The following THSD7A variants were observed in gnomAD, a reference collection of about 807,000 sequenced individuals.
THSD7A encodes the protein thrombospondin type-1 domain-containing protein 7A.
A neutral mutation model predicts 231.3 loss-of-function variants in THSD7A; 96 were observed. The observed-to-expected ratio is 0.41, with a 90% CI of 0.35 to 0.49. The LOEUF (loss-of-function observed/expected upper bound fraction) is 0.49, where lower values mean the gene tolerates loss of function less well. Ranked by LOEUF, THSD7A falls within the 20% of genes least tolerant of loss-of-function variation. The pLI, the probability that THSD7A is intolerant of heterozygous loss-of-function variation, is 0.05. For missense variants in THSD7A, 2,290 were observed against 2,070.2 expected (o/e 1.11, Z -2.06); for synonymous variants, 940 against 743.3 (o/e 1.26, Z -4.30).
chr7:11,623,543 T>C (rs528190257), intron 2 of THSD7A, among the ~76,000 whole-genome samples: 2 of 152,196 alleles, frequency 1.3e-5, no homozygotes, highest in South Asian at 4.1e-4. Context: ...AAGAAAAGAA[T>C]GCTATGCCAC....
rs539579249 is a variant in THSD7A, at chr7:11,475,619, T to C, written c.2018-1051A>G. Among the ~76,000 whole-genome samples the C allele has an allele frequency of 4.7e-5, 7 of 148,380 alleles. No homozygotes were observed. The East Asian group carries it at 1.2e-3, about 25-fold the overall frequency. On this transcript the variant is annotated intron_variant, in intron 7 of 27. Coordinates refer to ENST00000423059, the MANE Select transcript of THSD7A (RefSeq NM_015204.3). ...TAACATATATATAACATATATAACA[T>C]ATATATAACATATATATGCATACAT...
chr7:11,703,905 A>C (rs1338757634), intron 1 of THSD7A, among the ~76,000 whole-genome samples: 10 of 151,198 alleles, frequency 6.6e-5, no homozygotes, highest in Non-Finnish European at 1.5e-4. Flanking sequence ...GTGAAGAAGG[A>C]AAAAGAATTT....
chr7:11,711,697 T>A (rs1780971554), intron 1 of THSD7A, among the ~76,000 whole-genome samples: 1 of 151,162 alleles, frequency 6.6e-6, no homozygotes, highest in East Asian at 2.0e-4. Flanking sequence ...CAGTGAGAAC[T>A]GGCAGAAGTA....
chr7:11,390,695 C>A (rs1782946660), intron 23 of THSD7A, among the ~76,000 whole-genome samples: 1 of 152,164 alleles, frequency 6.6e-6, no homozygotes, highest in East Asian at 1.9e-4. Context: ...AATTTTCAGC[C>A]CTTTCGAGCT....
chr7:11,464,986 A>T (rs1453989711), intron 9 of THSD7A, among the ~76,000 whole-genome samples: 1 of 152,164 alleles, frequency 6.6e-6, no homozygotes, highest in Non-Finnish European at 1.5e-5. Context: ...CAAAAAATGA[A>T]AGTTTCATCA....
At chr7:11,535,004 T>G (rs1788856502) in intron 6 of THSD7A, among the ~76,000 whole-genome samples, 1 of 152,150 alleles carries the variant, frequency 6.6e-6, no homozygotes, top group South Asian at 2.1e-4. Flanking sequence ...GAAAATTGGT[T>G]GCTCTGTGTT....
At chr7:11,458,534 A>G (rs1785387173) in intron 11 of THSD7A, among the ~76,000 whole-genome samples, 1 of 152,122 alleles carries the variant, frequency 6.6e-6, no homozygotes, top group Admixed American at 6.6e-5. Flanking sequence ...CTGAAAATGG[A>G]TAAGATTGCT....
chr7:11,647,444 A>G (rs376518902), intron 1 of THSD7A, among the ~76,000 whole-genome samples: 5 of 152,154 alleles, frequency 3.3e-5, no homozygotes, highest in East Asian at 3.9e-4. Context: ...CATTTCTCCA[A>G]TCATGCAATC....
At chr7:11,635,237 T>C (rs1162675534) in intron 2 of THSD7A, among the ~76,000 whole-genome samples, 1 of 151,578 alleles carries the variant, frequency 6.6e-6, no homozygotes, top group East Asian at 1.9e-4. Context: ...AAATCTGATA[T>C]ACAATTCTTA....
At chr7:11,384,256 T>C (rs2115306969) in intron 23 of THSD7A, 1 of 151,940 alleles carries the variant, frequency 6.6e-6, no homozygotes, top group African/African-American at 2.4e-5. Context: ...GATCAAAAAG[T>C]TCTAGATTTG....
chr7:11,559,380 T>C (rs1053078519), intron 4 of THSD7A, among the ~76,000 whole-genome samples: 2 of 152,222 alleles, frequency 1.3e-5, no homozygotes, highest in African/African-American at 4.8e-5. Flanking sequence ...AGACCTAAAA[T>C]AGAAGACTAT....
intron 9 of THSD7A, among the ~76,000 whole-genome samples, chr7:11,462,975 C>T (rs567419139): frequency 7.9e-5 from 12 of 152,158 alleles, no homozygotes; most frequent in East Asian, 5.8e-4. Context: ...TACACTTTAA[C>T]GATGAATAGC....
intron 23 of THSD7A, among the ~76,000 whole-genome samples, chr7:11,391,070 G>A (rs560233598): frequency 2.0e-5 from 3 of 152,184 alleles, no homozygotes; most frequent in Non-Finnish European, 2.9e-5. Context: ...GGAGACGTGG[G>A]GTCGGGACCC....
In THSD7A at chr7:11,419,481, GA is replaced by G. The variant is rs377049144; in HGVS notation, c.3384-1879del. Among the ~76,000 whole-genome samples the G allele has an allele frequency of 8.5e-5, 13 of 152,222 alleles. No homozygotes were observed. The East Asian group carries it at 9.7e-4, about 11-fold the overall frequency. ...GTCTCCTCATGCCTCCCCAGAAAGA[GA>G]AGCCTATACAATCCACAGAACCATG... On this transcript the variant is annotated intron_variant, in intron 16 of 27. Transcript: ENST00000423059.
intron 23 of THSD7A, among the ~76,000 whole-genome samples, chr7:11,383,435 G>C (rs113326572): frequency 0.055 from 8,354 of 151,892 alleles, 731 homozygotes; most frequent in African/African-American, 0.18. Context: ...AAATGGCCTG[G>C]TGCTTCTTTA....
intron 1 of THSD7A, among the ~76,000 whole-genome samples, chr7:11,752,920 C>T (rs1182687417): frequency 2.9e-5 from 3 of 103,944 alleles, no homozygotes; most frequent in African/African-American, 7.8e-5. Flanking sequence ...GAGTGAGAGA[C>T]CCTGTCTCAG....
At chr7:11,640,199 C>T (rs750104538) in intron 1 of THSD7A, among the ~76,000 whole-genome samples, 10 of 152,014 alleles carry the variant, frequency 6.6e-5, no homozygotes, top group Non-Finnish European at 1.3e-4. Context: ...GAGGACAGGC[C>T]CTTGTCTGCC....
At chr7:11,609,531 C>A (rs950259052) in intron 2 of THSD7A, among the ~76,000 whole-genome samples, 1 of 152,108 alleles carries the variant, frequency 6.6e-6, no homozygotes, top group African/African-American at 2.4e-5. Context: ...TCAGATAGAA[C>A]TGGGGGCAAT....
intron 1 of THSD7A, among the ~76,000 whole-genome samples, chr7:11,699,163 G>C (rs1780495589): frequency 6.6e-6 from 1 of 151,006 alleles, no homozygotes; most frequent in African/African-American, 2.4e-5. Flanking sequence ...TTGAGGCACG[G>C]AATTTCAGCT....
Sources: gnomAD v4.1 joint callset for allele counts (sites outside exome capture counted in the v4.1 genomes callset) on GRCh38, gnomAD v4.1.1 for gene constraint, MANE v1.5 for transcripts, NCBI Gene and HGNC (gene_info 2026-07-23, HGNC 2026-07-21) for gene names.